CYB5R4: variants seen among roughly 807,000 people sequenced by gnomAD.
CYB5R4 encodes cytochrome b5 reductase 4.
CYB5R4 carries 55 observed loss-of-function variants against 70.2 expected under a neutral mutation model. That is an observed-to-expected ratio of 0.78 (90% CI 0.63 to 0.98). The LOEUF is 0.98. Ranked by LOEUF, CYB5R4 falls within the 50% of genes least tolerant of loss-of-function variation. The pLI is 0.00. For synonymous variants in CYB5R4, 197 were observed against 199.5 expected, an observed-to-expected ratio of 0.99 and a Z score of 0.11; for missense variants, 562 against 612.6, an observed-to-expected ratio of 0.92 and a Z score of 0.87.
At chr6:83,940,355 T>G in intron 13 of CYB5R4, 149 bp downstream of exon 13, 3 of 1,076,698 alleles carry the variant, frequency 2.8e-6, no homozygotes, top group Non-Finnish European at 3.9e-6. Context: ...ATCCTAGCTA[T>G]TTTATTAACT....
intron 5 of CYB5R4, among the ~76,000 whole-genome samples, chr6:83,917,587 A>C (rs1471431816): frequency 6.6e-6 from 1 of 152,140 alleles, no homozygotes; most frequent in African/African-American, 2.4e-5. Context: ...AAATTTCAGA[A>C]AGCCTAGATT....
At chr6:83,901,126 G>T (rs191636541) in intron 3 of CYB5R4, among the ~76,000 whole-genome samples, 5 of 152,072 alleles carry the variant, frequency 3.3e-5, no homozygotes, top group Admixed American at 2.6e-4. Context: ...CGTGTTTGGT[G>T]CTCCCTTCAG....
chr6:83,877,834 T>C (rs566558205), intron 2 of CYB5R4, among the ~76,000 whole-genome samples: 1 of 152,212 alleles, frequency 6.6e-6, no homozygotes, highest in Non-Finnish European at 1.5e-5. Context: ...AGTTTGACTA[T>C]GATATGGTTT....
At chr6:83,888,738 A>C (rs2099460642) in intron 2 of CYB5R4, among the ~76,000 whole-genome samples, 1 of 152,174 alleles carries the variant, frequency 6.6e-6, no homozygotes, top group Admixed American at 6.5e-5. Context: ...TATATCTCTC[A>C]CTTCAAATAA....
rs572528622 is a variant in CYB5R4 at position 83,950,627 on chromosome 6, C to T, written c.1347-4671C>T. Among the ~76,000 whole-genome samples, 10 of 152,160 alleles carry T rather than the reference C, an allele frequency of 6.6e-5. No individual in the cohort carries two copies. The South Asian group carries it at 1.9e-3, about 28-fold the overall frequency. Reference sequence around the variant, plus strand: ...TTCCTTTTGTTTCAAATGAGTCGTTCTTGGAGACCATTAATCTTATTTTAG... The same window carrying T: ...TTCCTTTTGTTTCAAATGAGTCGTTTTTGGAGACCATTAATCTTATTTTAG... On this transcript the variant is annotated intron_variant, in intron 14 of 15. Coordinates refer to ENST00000369681, the MANE Select transcript of CYB5R4 (RefSeq NM_016230.4).
chr6:83,966,841 T>C lies in CYB5R4; in HGVS notation c.*6963T>C, dbSNP rs2099474161. 1 of 152,126 alleles carries C rather than the reference T, an allele frequency of 6.6e-6. No individual in the cohort carries two copies. Among genetic ancestry groups the C allele is most frequent in the African/African-American group, 2.4e-5 (1 of 41,434 alleles). 9.4% of individuals were successfully genotyped at this position (152,126 alleles called of 1,614,324 possible). The stretch of plus-strand genomic sequence containing the variant: ...AACTCTACTTAATGAAAAATCATCC[T>C]GAAATTAACAAGAAAAATTGAAATT... On this transcript the variant is annotated 3_prime_UTR_variant, in exon 16 of 16. Coordinates refer to ENST00000369681, the MANE Select transcript of CYB5R4 (RefSeq NM_016230.4).
chr6:83,866,413 A>G (rs537116280), intron 2 of CYB5R4, among the ~76,000 whole-genome samples: 18 of 152,254 alleles, frequency 1.2e-4, no homozygotes, highest in African/African-American at 3.9e-4. Context: ...AGCATCCCAA[A>G]TCCAAAGACC....
intron 2 of CYB5R4, among the ~76,000 whole-genome samples, chr6:83,873,831 C>T (rs1016333994): frequency 6.6e-6 from 1 of 151,972 alleles, no homozygotes; most frequent in Non-Finnish European, 1.5e-5. Context: ...GTGTGCTGTG[C>T]TGAGTGAAGA....
Position 83,864,284 on chromosome 6 carries a change from T to G in CYB5R4, c.185T>G (p.Leu62Arg). 2 of 1,613,212 alleles carry G rather than the reference T, an allele frequency of 1.2e-6. No individual in the cohort carries two copies. The highest frequency in any genetic ancestry group is 2.2e-5 in the South Asian group (2 of 90,938). ...GRLIEVTEEELKKHNKKDDCW... is the reference protein window; with the variant it reads ...GRLIEVTEEERKKHNKKDDCW... ...TTAATTGAAGTAACTGAAGAAGAAC[T>G]TAAGAAACACAACAAAAAAGATGAT... The change falls in exon 2 of 16, where the codon CTT becomes CGT. Residue 62 changes from leucine to arginine, a missense_variant. Leu to Arg is a moderately radical substitution (Grantham distance 102). Coordinates refer to ENST00000369681, the MANE Select transcript of CYB5R4 (RefSeq NM_016230.4).
At chr6:83,927,329 C>G (rs2099467454) in intron 10 of CYB5R4, among the ~76,000 whole-genome samples, 1 of 152,156 alleles carries the variant, frequency 6.6e-6, no homozygotes, top group Non-Finnish European at 1.5e-5. Context: ...AACTGTCTAT[C>G]CTACAATTTA....
At chr6:83,950,191 GA>G (rs892546098) in intron 14 of CYB5R4, among the ~76,000 whole-genome samples, 1 of 150,450 alleles carries the variant, frequency 6.6e-6, no homozygotes, top group African/African-American at 2.4e-5. Context: ...AATCTGAACA[GA>G]AAAAAAAATG....
chr6:83,909,594 A>G (rs2099464352), intron 4 of CYB5R4, among the ~76,000 whole-genome samples: 1 of 152,198 alleles, frequency 6.6e-6, no homozygotes, highest in African/African-American at 2.4e-5. Context: ...GAAGATACTG[A>G]GGCTTGTAGG....
chr6:83,878,361 T>C (rs1486923584), intron 2 of CYB5R4, among the ~76,000 whole-genome samples: 1 of 152,084 alleles, frequency 6.6e-6, no homozygotes, highest in African/African-American at 2.4e-5. Flanking sequence ...AAATTTTTTT[T>C]TTTTGAGACA....
chr6:83,938,339 C>G (rs1228161230), intron 12 of CYB5R4, among the ~76,000 whole-genome samples: 1 of 152,112 alleles, frequency 6.6e-6, no homozygotes, highest in Non-Finnish European at 1.5e-5. Context: ...AGGGAAAGCT[C>G]AAAGAACAAG....
intron 3 of CYB5R4, among the ~76,000 whole-genome samples, chr6:83,906,342 G>T (rs1331415394): frequency 6.6e-6 from 1 of 152,178 alleles, no homozygotes; most frequent in East Asian, 1.9e-4. Flanking sequence ...TTCTAGTACA[G>T]TGTGCAGTTT....
chr6:83,920,617 G>T (rs536985069), intron 7 of CYB5R4, among the ~76,000 whole-genome samples: 38 of 151,870 alleles, frequency 2.5e-4, no homozygotes, highest in African/African-American at 8.9e-4. Flanking sequence ...ATATGTTAGT[G>T]AATTGATTTT....
At chr6:83,947,362 A>G (rs2099470783) in intron 14 of CYB5R4, among the ~76,000 whole-genome samples, 1 of 152,172 alleles carries the variant, frequency 6.6e-6, no homozygotes, top group Non-Finnish European at 1.5e-5. Context: ...ATATGCACAA[A>G]ACTAAAACTG....
At chr6:83,948,761 C>CT (rs1008793129) in intron 14 of CYB5R4, among the ~76,000 whole-genome samples, 3 of 151,956 alleles carry the variant, frequency 2.0e-5, no homozygotes, top group Non-Finnish European at 2.9e-5. Context: ...TGTGTTTTTT[C>CT]TTTCGTTTTG....
rs970268504 is a variant in CYB5R4 at position 83,948,693 on chromosome 6, A to G, written c.1347-6605A>G. On this transcript the variant is annotated intron_variant, in intron 14 of 15. Transcript: ENST00000369681. ...TGACTTCAACTTGATTTATAAATTA[A>G]TTGTTAAGGAAAGTGTTGACAGTCT... Among the ~76,000 whole-genome samples, 7 of 152,252 alleles carry G rather than the reference A, an allele frequency of 4.6e-5. No individual in the cohort carries two copies. The East Asian group carries it at 1.2e-3, about 25-fold the overall frequency.
Sources: allele counts gnomAD v4.1 joint callset (sites outside exome capture counted in the v4.1 genomes callset), GRCh38; gene constraint gnomAD v4.1.1; transcripts MANE v1.5; gene names NCBI Gene and HGNC (gene_info 2026-07-23, HGNC 2026-07-21).